The following NPAS3 variants were observed in gnomAD, a reference collection of about 807,000 sequenced individuals.
The protein encoded by NPAS3 is neuronal PAS domain protein 3.
In NPAS3, 14 loss-of-function variants were observed where a neutral mutation model predicts 73.1. The observed-to-expected ratio is 0.19, with a 90% confidence interval of 0.13 to 0.30. NPAS3 has a LOEUF of 0.30. Among genes scored for constraint, NPAS3 ranks in the 10% least tolerant of loss-of-function variants. The pLI, the probability that NPAS3 is intolerant of heterozygous loss-of-function variation, is 1.00. For synonymous variants in NPAS3, 620 were observed against 541.5 expected (o/e 1.14, Z -2.01); for missense variants, 1,096 against 1,250.0 (o/e 0.88, Z 1.86).
chr14:33,674,603 C>G (rs1200199482), intron 5 of NPAS3, among the ~76,000 whole-genome samples: 3 of 152,100 alleles, frequency 2.0e-5, no homozygotes, highest in African/African-American at 7.2e-5. Flanking sequence ...CTGTGAATCC[C>G]GATTTACGCT....
intron 7 of NPAS3, among the ~76,000 whole-genome samples, chr14:33,769,328 G>A (rs866632626): frequency 6.6e-6 from 1 of 152,196 alleles, no homozygotes; most frequent in African/African-American, 2.4e-5. Flanking sequence ...ATCTTCCCAG[G>A]CTGCTCAAGT....
chr14:32,964,852 C>G (rs2037086833), intron 1 of NPAS3, among the ~76,000 whole-genome samples: 1 of 151,374 alleles, frequency 6.6e-6, no homozygotes, highest in Non-Finnish European at 1.5e-5. Flanking sequence ...TGTGGTGGTG[C>G]TAAGCAACTA....
At chr14:33,421,888 T>C (rs966445845) in intron 4 of NPAS3, among the ~76,000 whole-genome samples, 3 of 151,930 alleles carry the variant, frequency 2.0e-5, no homozygotes, top group African/African-American at 7.2e-5. Flanking sequence ...AAGTGGACAC[T>C]ATGGATAGGA....
intron 4 of NPAS3, among the ~76,000 whole-genome samples, chr14:33,476,109 G>A (rs1362116441): frequency 6.6e-6 from 1 of 152,174 alleles, no homozygotes; most frequent in Non-Finnish European, 1.5e-5. Flanking sequence ...TATATCCCAT[G>A]TACAGTTTAC....
chr14:33,674,735 A>G (rs999138125), intron 5 of NPAS3, among the ~76,000 whole-genome samples: 1 of 152,258 alleles, frequency 6.6e-6, no homozygotes, highest in Non-Finnish European at 1.5e-5. Flanking sequence ...CGTAAAAGTT[A>G]CGCGAGCCTT....
At chr14:33,002,821 C>T (rs2038855985) in intron 1 of NPAS3, among the ~76,000 whole-genome samples, 1 of 152,248 alleles carries the variant, frequency 6.6e-6, no homozygotes, top group South Asian at 2.1e-4. Flanking sequence ...GTACTACAGA[C>T]ATTGGGAGGT....
At chr14:33,564,222 T>G (rs1958538) in intron 5 of NPAS3, among the ~76,000 whole-genome samples, 79,649 of 151,906 alleles carry the variant, frequency 0.52, 20,997 homozygotes, top group East Asian at 0.64. Flanking sequence ...GTTTCAGATG[T>G]AACCATGAGC....
intron 3 of NPAS3, among the ~76,000 whole-genome samples, chr14:33,310,784 G>C (rs981382407): frequency 3.3e-5 from 4 of 120,876 alleles, no homozygotes; most frequent in Admixed American, 9.8e-5. Flanking sequence ...AGAATGAAAT[G>C]TATGGTACAC....
intron 1 of NPAS3, among the ~76,000 whole-genome samples, chr14:32,994,258 G>A (rs1166959455): frequency 6.6e-6 from 1 of 152,158 alleles, no homozygotes; most frequent in Non-Finnish European, 1.5e-5. Flanking sequence ...AAATGTAAAT[G>A]GTTTGGGCAT....
intron 4 of NPAS3, among the ~76,000 whole-genome samples, chr14:33,476,604 T>G (rs1050903411): frequency 2.6e-5 from 4 of 152,226 alleles, no homozygotes; most frequent in Admixed American, 2.6e-4. Flanking sequence ...GAGTATTTTT[T>G]TATTCATTTT....
chr14:33,193,349 A>AGGG (rs2046237786), intron 2 of NPAS3, among the ~76,000 whole-genome samples: 1 of 152,168 alleles, frequency 6.6e-6, no homozygotes, highest in Admixed American at 6.5e-5. Flanking sequence ...TCCCAGCCAT[A>AGGG]GGGGAGTCAA....
intron 3 of NPAS3, among the ~76,000 whole-genome samples, chr14:33,287,834 C>T (rs1184069193): frequency 2.0e-5 from 3 of 152,142 alleles, no homozygotes; most frequent in Non-Finnish European, 2.9e-5. Flanking sequence ...TGGACTAGAA[C>T]CATCGTTCCT....
intron 3 of NPAS3, among the ~76,000 whole-genome samples, chr14:33,345,116 T>C (rs2044667349): frequency 1.3e-5 from 2 of 152,208 alleles, no homozygotes; most frequent in Admixed American, 1.3e-4. Flanking sequence ...CAAAGGAGTG[T>C]GTTCCAGAAT....
intron 2 of NPAS3, among the ~76,000 whole-genome samples, chr14:33,211,088 T>C (rs907729110): frequency 6.6e-6 from 1 of 152,232 alleles, no homozygotes; most frequent in Non-Finnish European, 1.5e-5. Flanking sequence ...CAGGCACCAT[T>C]GTAAAGATCT....
intron 5 of NPAS3, among the ~76,000 whole-genome samples, chr14:33,568,696 TAAG>T (rs756063310): frequency 8.5e-5 from 13 of 152,198 alleles, no homozygotes; most frequent in Non-Finnish European, 1.9e-4. Context: ...AGCTCTTACA[TAAG>T]AAGATAAGGT....
intron 5 of NPAS3, among the ~76,000 whole-genome samples, chr14:33,665,243 A>C (rs1317106903): frequency 2.6e-5 from 4 of 152,204 alleles, no homozygotes; most frequent in Non-Finnish European, 5.9e-5. Flanking sequence ...GGAATTGAAC[A>C]ATGAGAACAC....
At chr14:33,180,402 G>A (rs377040663) in intron 2 of NPAS3, among the ~76,000 whole-genome samples, 1 of 152,172 alleles carries the variant, frequency 6.6e-6, no homozygotes, top group African/African-American at 2.4e-5. Flanking sequence ...CATTTTACCC[G>A]AGATTTGCGT....
At chr14:33,724,883 A>G (rs1043465744) in intron 6 of NPAS3, among the ~76,000 whole-genome samples, 2 of 152,154 alleles carry the variant, frequency 1.3e-5, no homozygotes, top group Non-Finnish European at 2.9e-5. Flanking sequence ...CTTTTTTAAA[A>G]GCTCAGCCCC....
At chr14:33,551,337 A>C (rs888356914) in intron 4 of NPAS3, among the ~76,000 whole-genome samples, 2 of 152,170 alleles carry the variant, frequency 1.3e-5, no homozygotes, top group Non-Finnish European at 2.9e-5. Context: ...CCTTACCTAA[A>C]GAAATACCTG....
Sources: gnomAD v4.1 joint callset for allele counts (sites outside exome capture counted in the v4.1 genomes callset) on GRCh38, gnomAD v4.1.1 for gene constraint, MANE v1.5 for transcripts, NCBI Gene and HGNC (gene_info 2026-07-23, HGNC 2026-07-21) for gene names.